PUDP: variants seen among roughly 807,000 people sequenced by gnomAD.
PUDP encodes pseudouridine 5'-phosphatase, also known as pseudouridine-5'-phosphatase.
In PUDP, 8 loss-of-function variants were observed where a neutral mutation model predicts 9.4. The ratio of observed to expected loss-of-function variants is 0.85; its 90% CI spans 0.50 to 1.53. The LOEUF (loss-of-function observed/expected upper bound fraction) is 1.53, where lower values mean the gene tolerates loss of function less well. PUDP is among the 40% of genes most tolerant of loss of function. The probability of loss-of-function intolerance (pLI) is 0.00; values close to 1 mark genes in which losing one functional copy is unlikely to be tolerated. For missense variants in PUDP, 188 were observed against 189.7 expected (o/e 0.99, Z 0.05); for synonymous variants, 99 against 80.7 (o/e 1.23, Z -1.22).
At chrX:6,995,434 T>G (rs1428185767) in intron 1 of PUDP, among the ~76,000 whole-genome samples, 2 of 111,662 alleles carry the variant, frequency 1.8e-5, no homozygotes, top group African/African-American at 6.5e-5. Flanking sequence ...TCTAAAAATA[T>G]GAAAGGAGGC....
chrX:7,067,652 A>C (rs1207399777), intron 3 of PUDP, among the ~76,000 whole-genome samples: 1 of 111,689 alleles, frequency 9.0e-6, no homozygotes, highest in African/African-American at 3.3e-5. Context: ...GGATCACGAG[A>C]CTAAGTGTCA....
intron 3 of PUDP, among the ~76,000 whole-genome samples, chrX:6,817,263 C>T (rs772982783): frequency 3.4e-4 from 37 of 109,152 alleles, no homozygotes; most frequent in Admixed American, 9.0e-4. Flanking sequence ...TTCAGAGATA[C>T]GGGATCACTG....
At chrX:6,870,400 T>C (rs776735821) in intron 3 of PUDP, among the ~76,000 whole-genome samples, 5 of 111,791 alleles carry the variant, frequency 4.5e-5, no homozygotes, top group South Asian at 7.6e-4. Flanking sequence ...GTTCTTGTGA[T>C]AGTGAATAAG....
chrX:6,837,052 A>T (rs1212077220), intron 3 of PUDP, among the ~76,000 whole-genome samples: 1 of 112,627 alleles, frequency 8.9e-6, no homozygotes, highest in Admixed American at 9.4e-5. Flanking sequence ...GCGCATTTAA[A>T]TTGTGCAATC....
chrX:6,729,844 C>G (rs61497898), intron 3 of PUDP, among the ~76,000 whole-genome samples: 23,828 of 110,044 alleles, frequency 0.22, 2,277 homozygotes, highest in African/African-American at 0.32. Context: ...TCTTACGTGC[C>G]CACCTTATCT....
At chrX:6,919,745 C>T (rs1927988628) in intron 3 of PUDP, among the ~76,000 whole-genome samples, 1 of 105,050 alleles carries the variant, frequency 9.5e-6, no homozygotes, top group African/African-American at 3.5e-5. Context: ...AAAAGTTAGC[C>T]GGGCGTGGGA....
chrX:6,822,814 C>T (rs886677490), intron 3 of PUDP, among the ~76,000 whole-genome samples: 2 of 109,489 alleles, frequency 1.8e-5, no homozygotes, highest in Non-Finnish European at 3.8e-5. Context: ...GTATTAAGCC[C>T]AGTACCCAAC....
chrX:6,862,657 C>G (rs1285218048), intron 3 of PUDP, among the ~76,000 whole-genome samples: 1 of 111,692 alleles, frequency 9.0e-6, no homozygotes, highest in Admixed American at 9.5e-5. Context: ...CAGAATTTCC[C>G]AAAGGTTAAC....
intron 3 of PUDP, among the ~76,000 whole-genome samples, chrX:6,795,135 C>T (rs946258437): frequency 2.2e-4 from 24 of 110,322 alleles, no homozygotes; most frequent in South Asian, 1.2e-3. Flanking sequence ...TGTCACTAGG[C>T]GACAGGAATT....
At chrX:7,078,926 C>G (rs763609882) in intron 2 of PUDP, among the ~76,000 whole-genome samples, 30 of 111,894 alleles carry the variant, frequency 2.7e-4, no homozygotes, top group African/African-American at 9.4e-4. Context: ...ATACCACCCA[C>G]AATCAGGAGA....
intron 3 of PUDP, among the ~76,000 whole-genome samples, chrX:6,880,298 T>C (rs1187221171): frequency 1.8e-5 from 2 of 110,900 alleles, no homozygotes; most frequent in Non-Finnish European, 3.8e-5. Context: ...TGTATCATTC[T>C]TGTGACTTTG....
At chrX:6,853,086 T>C (rs1324217810) in intron 3 of PUDP, among the ~76,000 whole-genome samples, 1 of 111,924 alleles carries the variant, frequency 8.9e-6, no homozygotes, top group Admixed American at 9.5e-5. Context: ...TTATTGCTCA[T>C]GTGTCAGGGG....
At chrX:7,142,296 T>C (rs1050387877) in intron 1 of PUDP, among the ~76,000 whole-genome samples, 1 of 112,396 alleles carries the variant, frequency 8.9e-6, no homozygotes, top group South Asian at 3.7e-4. Context: ...AAAATATCAA[T>C]GTTAACAGGA....
At chrX:7,011,113 T>C (rs1435525854) in intron 1 of PUDP, among the ~76,000 whole-genome samples, 1 of 112,161 alleles carries the variant, frequency 8.9e-6, no homozygotes, top group Non-Finnish European at 1.9e-5. Context: ...ATTAACCAAA[T>C]TGTAGAGATA....
intron 3 of PUDP, among the ~76,000 whole-genome samples, chrX:6,838,274 C>T (rs1024890268): frequency 8.0e-5 from 9 of 112,598 alleles, no homozygotes; most frequent in Non-Finnish European, 1.3e-4. Context: ...AAAATCTAGA[C>T]GAGTTAACTC....
At chrX:6,992,884 T>C (rs5935682) in intron 1 of PUDP, among the ~76,000 whole-genome samples, 40,538 of 110,549 alleles carry the variant, frequency 0.37, 5,516 homozygotes, top group Non-Finnish European at 0.41. Flanking sequence ...TAAAAGCAGG[T>C]AGAGGAACAT....
At chrX:6,787,712 T>C (rs765976408) in intron 3 of PUDP, among the ~76,000 whole-genome samples, 2 of 112,337 alleles carry the variant, frequency 1.8e-5, no homozygotes, top group Non-Finnish European at 3.8e-5. Context: ...TGAGACACTG[T>C]GGTCATTAAT....
chrX:7,011,175 A>G (rs1429150208), intron 1 of PUDP, among the ~76,000 whole-genome samples: 2 of 112,030 alleles, frequency 1.8e-5, no homozygotes, highest in Non-Finnish European at 3.8e-5. Flanking sequence ...GACAAGGCCA[A>G]TTGCAGACAA....
intron 3 of PUDP, among the ~76,000 whole-genome samples, chrX:6,752,908 A>G (rs947239305): frequency 8.9e-6 from 1 of 112,061 alleles, no homozygotes; most frequent in Non-Finnish European, 1.9e-5. Flanking sequence ...AAACATATAT[A>G]TGTGTAATTA....
Sources: allele counts gnomAD v4.1 joint callset (sites outside exome capture counted in the v4.1 genomes callset), GRCh38; gene constraint gnomAD v4.1.1; transcripts MANE v1.5; gene names NCBI Gene and HGNC (gene_info 2026-07-23, HGNC 2026-07-21).